The following ZC3H12B variants were observed in gnomAD, a reference collection of about 807,000 sequenced individuals.
ZC3H12B encodes zinc finger CCCH-type containing 12B.
ZC3H12B carries 7 observed loss-of-function variants against 43.9 expected under a neutral mutation model. The ratio of observed to expected loss-of-function variants is 0.16; its 90% confidence interval spans 0.09 to 0.30. ZC3H12B has a LOEUF of 0.30. Among genes scored for constraint, ZC3H12B ranks in the 10% least tolerant of loss-of-function variants. The pLI, the probability that ZC3H12B is intolerant of heterozygous loss-of-function variation, is 1.00. For synonymous variants in ZC3H12B, 222 were observed against 241.7 expected, an observed-to-expected ratio of 0.92 and a Z score of 0.76; for missense variants, 475 against 670.2, an observed-to-expected ratio of 0.71 and a Z score of 3.22.
At chrX:65,328,846 G>A in the ZC3H12B span, among the ~76,000 whole-genome samples, 2 of 107,979 alleles carry the variant, frequency 1.9e-5, no homozygotes, top group Non-Finnish European at 3.8e-5. Context: ...ATGGTTTCCA[G>A]CTTCATCCAT....
the ZC3H12B span, among the ~76,000 whole-genome samples, chrX:65,084,830 A>T: frequency 6.4e-4 from 72 of 112,876 alleles, no homozygotes; most frequent in African/African-American, 2.3e-3. Context: ...AGCATTTTGC[A>T]CAATAACTAA....
chrX:65,492,074 G>A (rs1390935127), intron 1 of ZC3H12B, among the ~76,000 whole-genome samples: 1 of 110,802 alleles, frequency 9.0e-6, no homozygotes, highest in Non-Finnish European at 1.9e-5. Flanking sequence ...CACCAAACCA[G>A]ACCACCCGGA....
At chrX:65,232,811 GA>G in the ZC3H12B span, among the ~76,000 whole-genome samples, 14 of 103,869 alleles carry the variant, frequency 1.3e-4, no homozygotes, top group Middle Eastern at 5.0e-3. Flanking sequence ...TGAATGGATG[GA>G]AAAAAAAAAG....
intron 3 of ZC3H12B, among the ~76,000 whole-genome samples, chrX:65,482,189 CT>C (rs893865097): frequency 1.1e-4 from 12 of 111,438 alleles, no homozygotes; most frequent in Non-Finnish European, 1.5e-4. Context: ...GAAAGGCAAT[CT>C]TTTTTTCCAA....
the ZC3H12B span, among the ~76,000 whole-genome samples, chrX:65,342,162 G>T: frequency 1.8e-5 from 2 of 111,611 alleles, no homozygotes; most frequent in Non-Finnish European, 3.8e-5. Flanking sequence ...ATCAAAAAAT[G>T]ACAAAGAAGG....
the ZC3H12B span, among the ~76,000 whole-genome samples, chrX:65,298,905 G>GCCTT: frequency 6.3e-5 from 7 of 111,424 alleles, no homozygotes; most frequent in Non-Finnish European, 1.3e-4. Context: ...CCAAGCAAAG[G>GCCTT]GGGAATAGCC....
At chrX:65,056,042 C>T in the ZC3H12B span, among the ~76,000 whole-genome samples, 1 of 111,680 alleles carries the variant, frequency 9.0e-6, no homozygotes. Flanking sequence ...AAACCAGCTC[C>T]TGGATTCATT....
At chrX:65,353,506 C>A in the ZC3H12B span, among the ~76,000 whole-genome samples, 1 of 112,111 alleles carries the variant, frequency 8.9e-6, no homozygotes, top group Non-Finnish European at 1.9e-5. Flanking sequence ...AAGGCTCTTG[C>A]ACCAAACATT....
intron 1 of ZC3H12B, among the ~76,000 whole-genome samples, chrX:65,496,720 C>T (rs1211823043): frequency 9.0e-6 from 1 of 111,209 alleles, no homozygotes; most frequent in Non-Finnish European, 1.9e-5. Context: ...CTTTGGGAGG[C>T]CGAGGCAGGC....
chrX:65,303,940 A>G, the ZC3H12B span, among the ~76,000 whole-genome samples: 5 of 112,559 alleles, frequency 4.4e-5, no homozygotes, highest in African/African-American at 1.6e-4. Context: ...TAGAAGACTC[A>G]ATTTTGTTAA....
chrX:65,466,826 G>A (rs1471314000), intron 3 of ZC3H12B, among the ~76,000 whole-genome samples: 3 of 95,042 alleles, frequency 3.2e-5, no homozygotes, highest in Non-Finnish European at 6.4e-5. Context: ...ATAATTTTGA[G>A]CACCTTTTCT....
chrX:65,117,197 A>G, the ZC3H12B span, among the ~76,000 whole-genome samples: 2 of 111,586 alleles, frequency 1.8e-5, no homozygotes, highest in Admixed American at 9.5e-5. Context: ...GTATTCCTAT[A>G]TCTCCACATC....
At chrX:65,454,989 A>G (rs1321344978) in intron 3 of ZC3H12B, among the ~76,000 whole-genome samples, 1 of 112,009 alleles carries the variant, frequency 8.9e-6, no homozygotes, top group Non-Finnish European at 1.9e-5. Context: ...CATTACCATC[A>G]TCAAAGACCA....
chrX:65,455,714 G>A (rs2067598387), intron 3 of ZC3H12B, among the ~76,000 whole-genome samples: 2 of 111,601 alleles, frequency 1.8e-5, no homozygotes, highest in Admixed American at 1.9e-4. Context: ...AAAATATTAA[G>A]GGCAGCCAGA....
the ZC3H12B span, among the ~76,000 whole-genome samples, chrX:65,222,267 G>A: frequency 9.0e-6 from 1 of 111,081 alleles, no homozygotes; most frequent in African/African-American, 3.3e-5. Context: ...AAAGTTCAAA[G>A]CATTGCCTCT....
At chrX:65,188,269 C>A in the ZC3H12B span, among the ~76,000 whole-genome samples, 1 of 110,935 alleles carries the variant, frequency 9.0e-6, no homozygotes, top group Non-Finnish European at 1.9e-5. Context: ...GCAATAAACA[C>A]AGGAGTGCAG....
chrX:65,207,162 T>C, the ZC3H12B span, among the ~76,000 whole-genome samples: 5 of 108,509 alleles, frequency 4.6e-5, no homozygotes, highest in Admixed American at 2.0e-4. Flanking sequence ...ACTGGGTTTC[T>C]ACTTAGAAAA....
intron 3 of ZC3H12B, among the ~76,000 whole-genome samples, chrX:65,416,728 G>A (rs1463332836): frequency 3.7e-5 from 4 of 108,070 alleles, no homozygotes; most frequent in African/African-American, 1.4e-4. Flanking sequence ...GGCGGAGCTT[G>A]CAGTGAGCCG....
chrX:65,252,644 C>G, the ZC3H12B span, among the ~76,000 whole-genome samples: 1 of 111,714 alleles, frequency 9.0e-6, no homozygotes, highest in Non-Finnish European at 1.9e-5. Flanking sequence ...AGCCTTTCAC[C>G]TCTCCATTTA....
Sources: gnomAD v4.1 joint callset for allele counts (sites outside exome capture counted in the v4.1 genomes callset) on GRCh38, gnomAD v4.1.1 for gene constraint, MANE v1.5 for transcripts, NCBI Gene and HGNC (gene_info 2026-07-23, HGNC 2026-07-21) for gene names.